APC: variants seen among roughly 807,000 people sequenced by gnomAD.
The protein encoded by APC is adenomatous polyposis coli protein.
A neutral mutation model predicts 247.0 loss-of-function variants in APC; 72 were observed. That is an observed-to-expected ratio of 0.29 (90% CI 0.24 to 0.35). The LOEUF (loss-of-function observed/expected upper bound fraction) is 0.35. APC is among the 10% of genes least tolerant of loss of function. The pLI, the probability that APC is intolerant of heterozygous loss-of-function variation, is 1.00. For synonymous variants in APC, 1,254 were observed against 1,162.5 expected, an observed-to-expected ratio of 1.08 and a Z score of -1.60; for missense variants, 3,400 against 3,360.7, an observed-to-expected ratio of 1.01 and a Z score of -0.29.
At position 112,839,308 on chromosome 5, in the gene APC, T is replaced by C. The variant is rs2149897579; in HGVS notation, c.3714T>C (p.Ser1238=). 1 of 1,614,008 alleles carries C rather than the reference T, an allele frequency of 6.2e-7. No homozygotes were observed. Among genetic ancestry groups the C allele is most frequent in the Non-Finnish European group, 8.5e-7 (1 of 1,179,954 alleles). Residue 1238 remains serine, a synonymous_variant, in exon 16 of 16, where the codon AGT becomes AGC. Transcript: ENST00000257430. This position sits in a 1 kb window ranked among gnomAD's most constrained non-coding sequence, Gnocchi z 5.0. ...AGCTCCATCCAAGTTCTGCACAGAG[T>C]AGAAGTGGTCAGCCTCAAAAGGCTG... ...QNQLHPSSAQ[S]RSGQPQKAAT...
chr5:112,837,315 C>T (rs1005784549), intron 15 of APC, among the ~76,000 whole-genome samples: 1 of 152,062 alleles, frequency 6.6e-6, no homozygotes, highest in Non-Finnish European at 1.5e-5. Context: ...GCTATTGGGT[C>T]AGAATAGGAA....
intron 2 of APC, among the ~76,000 whole-genome samples, chr5:112,758,753 A>G (rs75088576): frequency 2.6e-5 from 4 of 151,216 alleles, no homozygotes; most frequent in African/African-American, 9.8e-5. Context: ...ACAGGTCCCT[A>G]CCGCCACGCC....
chr5:112,758,966 TA>T (rs1371501680), intron 2 of APC, among the ~76,000 whole-genome samples: 1 of 152,192 alleles, frequency 6.6e-6, no homozygotes, highest in Non-Finnish European at 1.5e-5. Flanking sequence ...TATGGCATTT[TA>T]GAGATAAAAA....
At chr5:112,724,653 G>A (rs771459088) in intron 1 of APC, among the ~76,000 whole-genome samples, 19 of 152,050 alleles carry the variant, frequency 1.2e-4, no homozygotes, top group Non-Finnish European at 2.2e-4. Flanking sequence ...ACTTAGGGAA[G>A]GCTTTTGGGA....
chr5:112,776,076 C>G (rs964532348), intron 5 of APC, among the ~76,000 whole-genome samples: 21 of 152,334 alleles, frequency 1.4e-4, no homozygotes, highest in Non-Finnish European at 2.5e-4. Context: ...TTATCACCAT[C>G]TGCCTATTTT....
At chr5:112,776,312 A>G (rs1225366448) in intron 5 of APC, among the ~76,000 whole-genome samples, 1 of 152,228 alleles carries the variant, frequency 6.6e-6, no homozygotes, top group Non-Finnish European at 1.5e-5. Context: ...CTGCTGAACC[A>G]GTAAAACATA....
intron 1 of APC, among the ~76,000 whole-genome samples, chr5:112,751,084 T>C (rs1754307717): frequency 6.6e-6 from 1 of 152,124 alleles, no homozygotes; most frequent in Admixed American, 6.5e-5. Flanking sequence ...GTATTGTAGC[T>C]TTTTAAAAAA....
intron 2 of APC, among the ~76,000 whole-genome samples, chr5:112,765,218 C>T (rs2149779749): frequency 6.6e-6 from 1 of 152,272 alleles, no homozygotes; most frequent in East Asian, 1.9e-4. Context: ...GATTCTCCTG[C>T]CTCAGCCTCC....
chr5:112,760,692 A>T (rs557058255), intron 2 of APC, among the ~76,000 whole-genome samples: 4 of 152,310 alleles, frequency 2.6e-5, no homozygotes, highest in African/African-American at 7.2e-5. Flanking sequence ...TAAGAAGTTA[A>T]CTGCTGAGGA....
chr5:112,772,806 C>T (rs182499383), intron 4 of APC, among the ~76,000 whole-genome samples: 2 of 152,334 alleles, frequency 1.3e-5, no homozygotes, highest in Admixed American at 1.3e-4. Flanking sequence ...CGTGACCCGC[C>T]GTGCCTGGCC....
chr5:112,835,192 TA>T (rs1764750400), intron 15 of APC, 27 bp downstream of exon 15: 1 of 1,570,708 alleles, frequency 6.4e-7, no homozygotes, highest in African/African-American at 1.4e-5. Context: ...ATATTACTTT[TA>T]AAGTACAGAA....
chr5:112,794,225 CAT>C (rs1316698942), intron 7 of APC, among the ~76,000 whole-genome samples: 1 of 151,956 alleles, frequency 6.6e-6, no homozygotes. Context: ...CCGAGTAGCT[CAT>C]GTGCCACCAT....
chr5:112,843,326 T>C lies in APC; in HGVS notation c.7732T>C (p.Ser2578Pro), dbSNP rs2149992829. The stretch of plus-strand genomic sequence containing the variant: ...TTCATCTTCAATTCTTTCTGCTTCA[T>C]CAGAATCCAGTGAAAAAGCAAAAAG... ...GSSSSILSAS[S>P]ESSEKAKSED... The change falls in exon 16 of 16, where the codon TCA (serine) becomes CCA (proline). Residue 2578 changes from serine (S) to proline (P), a missense_variant. By Grantham distance (74) the Ser-to-Pro change is moderately conservative (BLOSUM62 -1). Around this residue, in one of 9 missense-constraint regions of APC, gnomAD observed 1,788 missense variants for 1,649.5 expected, o/e 1.08. Transcript: ENST00000257430. This position sits in a 1 kb window ranked among gnomAD's most constrained non-coding sequence, Gnocchi z 4.8. 1 of 1,613,842 alleles carries C rather than the reference T, an allele frequency of 6.2e-7. No homozygotes were observed. Among genetic ancestry groups the C allele is most frequent in the Non-Finnish European group, 8.5e-7 (1 of 1,179,804 alleles).
chr5:112,709,902 C>T (rs1209522267), intron 1 of APC, among the ~76,000 whole-genome samples: 2 of 152,128 alleles, frequency 1.3e-5, no homozygotes, highest in Non-Finnish European at 2.9e-5. Flanking sequence ...GACCCTGTCT[C>T]CTAACAAACA....
At chr5:112,723,191 G>C (rs1485158839) in intron 1 of APC, among the ~76,000 whole-genome samples, 1 of 152,158 alleles carries the variant, frequency 6.6e-6, no homozygotes, top group African/African-American at 2.4e-5. Flanking sequence ...GAAGAGCCAG[G>C]AACTGGCTGG....
intron 6 of APC, among the ~76,000 whole-genome samples, chr5:112,787,383 C>T (rs185135472): frequency 3.3e-5 from 5 of 152,218 alleles, no homozygotes; most frequent in Admixed American, 2.6e-4. Context: ...TGAGTGTTTG[C>T]CAAATTGCTC....
chr5:112,804,685 A>G (rs556430148), intron 8 of APC, among the ~76,000 whole-genome samples: 1 of 152,164 alleles, frequency 6.6e-6, no homozygotes, highest in Non-Finnish European at 1.5e-5. Context: ...GCCAATTACA[A>G]CTTTTTTAAT....
rs1429831566 is a variant in APC at position 112,841,545 on chromosome 5, A to G, written c.5951A>G (p.Asn1984Ser). The change falls in exon 16 of 16, where the codon AAT (asparagine) becomes AGT (serine). Residue 1984 changes from asparagine to serine, a missense_variant. Coordinates refer to ENST00000257430, the MANE Select transcript of APC (RefSeq NM_000038.6). This position sits in a 1 kb window ranked among gnomAD's most constrained non-coding sequence, Gnocchi z 4.6. The part of the protein sequence containing the change: ...DIDQENNNKE[N>S]EPIKETEPPD... The stretch of plus-strand genomic sequence containing the variant: ...GACCAAGAAAACAACAATAAAGAAA[A>G]TGAACCTATCAAAGAGACTGAGCCC... 2 of 1,613,858 alleles carry G rather than the reference A, an allele frequency of 1.2e-6. No homozygotes were observed. The highest frequency in any genetic ancestry group is 1.7e-6 in the Non-Finnish European group (2 of 1,179,916).
In APC at chr5:112,767,256, T is replaced by A. The variant is rs376213437; in HGVS notation, c.288T>A (p.Tyr96Ter). 2 of 1,614,186 alleles carry A rather than the reference T, an allele frequency of 1.2e-6. No individual in the cohort carries two copies. The highest frequency in any genetic ancestry group is 1.7e-6 in the Non-Finnish European group (2 of 1,180,012). ...GGTCAAAAATGTCCCTCCGTTCTTA[T>A]GGAAGCCGGGAAGGATCTGTATCAA... ...KLRSKMSLRS[Y>*]GSREGSVSSR... The change falls in exon 4 of 16, where the codon TAT becomes TAA. Residue 96 changes from tyrosine to a stop codon, truncating the protein, a stop_gained. Coordinates refer to ENST00000257430, the MANE Select transcript of APC (RefSeq NM_000038.6). LOFTEE classifies it high-confidence loss of function.
Sources: allele counts gnomAD v4.1 joint callset (sites outside exome capture counted in the v4.1 genomes callset), GRCh38; gene constraint gnomAD v4.1.1; regional missense constraint gnomAD v4.1.1; non-coding constraint Gnocchi (gnomAD v3.1); transcripts MANE v1.5; gene names NCBI Gene and HGNC (gene_info 2026-07-23, HGNC 2026-07-21).